The following DMD variants were observed in gnomAD, a reference collection of about 807,000 sequenced individuals.
The protein encoded by DMD is dystrophin, also known as mutant dystrophin.
DMD carries 63 observed loss-of-function variants against 330.1 expected under a neutral mutation model. That is an observed-to-expected ratio of 0.19 (90% CI 0.16 to 0.24). DMD has a LOEUF of 0.24. Ranked by LOEUF, DMD falls within the 10% of genes least tolerant of loss-of-function variation. The probability of loss-of-function intolerance (pLI) is 1.00; values close to 1 mark genes in which losing one functional copy is unlikely to be tolerated. For missense variants in DMD, 3,344 were observed against 2,684.1 expected (o/e 1.25, Z -5.43); for synonymous variants, 1,223 against 959.8 (o/e 1.27, Z -5.07).
At chrX:31,811,210 C>T (rs1327220630) in intron 50 of DMD, among the ~76,000 whole-genome samples, 9 of 112,345 alleles carry the variant, frequency 8.0e-5, no homozygotes, top group Non-Finnish European at 1.5e-4. Context: ...ATGCTGAATA[C>T]TAAATACTAA....
chrX:33,219,219 T>C (rs1183462832), intron 1 of DMD, among the ~76,000 whole-genome samples: 1 of 108,710 alleles, frequency 9.2e-6, no homozygotes, highest in African/African-American at 3.3e-5. Context: ...TGGTGGAAGA[T>C]AGAGGTAGAA....
chrX:31,309,988 A>AT (rs1403300118), intron 62 of DMD, among the ~76,000 whole-genome samples: 1 of 111,156 alleles, frequency 9.0e-6, no homozygotes, highest in Non-Finnish European at 1.9e-5. Context: ...CATTTTATAG[A>AT]TAGGGATTTG....
At chrX:32,547,543 T>C (rs971878452) in intron 16 of DMD, among the ~76,000 whole-genome samples, 1 of 111,228 alleles carries the variant, frequency 9.0e-6, no homozygotes, top group Non-Finnish European at 1.9e-5. Flanking sequence ...ATTCACCCTG[T>C]AAATATAGGG....
intron 1 of DMD, among the ~76,000 whole-genome samples, chrX:33,099,276 T>C (rs2095212339): frequency 9.0e-6 from 1 of 111,145 alleles, no homozygotes; most frequent in African/African-American, 3.3e-5. Context: ...TCACAGCTCT[T>C]GTTGGGCGGT....
In DMD at chrX:32,595,823, G is replaced by A. The variant is rs776446238; in HGVS notation, c.1536C>T (p.His512=). The A allele has an allele frequency of 4.2e-6, 5 of 1,200,378 alleles. No homozygotes were observed. The highest frequency in any genetic ancestry group is 4.5e-6 in the Non-Finnish European group (4 of 885,180). The stretch of plus-strand genomic sequence containing the variant: ...TAGATTCATCAACTACCACCACCAT[G>A]TGAGTGAGAGAATTGACCCTGACTT... ...QEQVRVNSLT[H]MVVVVDESSG... The change falls in exon 13 of 79, where the codon CAC becomes CAT. Residue 512 remains histidine, a synonymous_variant. Transcript: ENST00000357033.
At chrX:31,791,710 G>C (rs2091578764) in intron 50 of DMD, among the ~76,000 whole-genome samples, 1 of 111,633 alleles carries the variant, frequency 9.0e-6, no homozygotes, top group Admixed American at 9.5e-5. Flanking sequence ...TTGTTTCTTA[G>C]ACTTTTTTTT....
In DMD at chrX:32,536,264, C is replaced by CAAAAAAA. The variant is rs1191335690; in HGVS notation, c.2168+8888_2168+8894dup. Among the ~76,000 whole-genome samples the CAAAAAAA allele has an allele frequency of 3.1e-3, 111 of 36,317 alleles. 5 individuals are homozygous for CAAAAAAA. The highest frequency in any genetic ancestry group is 0.012 in the African/African-American group (102 of 8,361). The allele number at this position is 36,317 out of a possible 115,157, so 31.5% of individuals were successfully genotyped here. A position where few individuals can be genotyped will look rare whatever the true frequency, so the allele number is the denominator to read the frequency against. On this transcript the variant is annotated intron_variant, in intron 17 of 78. Coordinates refer to ENST00000357033, the MANE Select transcript of DMD (RefSeq NM_004006.3). ...TGGCAACAGAGTGAGACTCCGTCTCCAAAAAAAAAAAAAAAAAAAAAAAAC... is the reference window on the plus strand; with the variant it reads ...TGGCAACAGAGTGAGACTCCGTCTCCAAAAAAAAAAAAAAAAAAAAAAAAAAAAAAAC...
Position 31,999,756 on chromosome X carries a change from G to A in DMD, c.6439-31242C>T, listed in dbSNP as rs6631453. 1.1e-3 allele frequency among the ~76,000 whole-genome samples: 120 copies of A among 111,762 alleles called. No individual in the cohort carries two copies. In the East Asian group the frequency reaches 0.016, roughly 15 times the overall value. ...ATACTGTGGTAGTGAACGTGGCAGTGGTTGAAGTGGGTTCTTAGTGGATGA... is the reference window on the plus strand; with the variant it reads ...ATACTGTGGTAGTGAACGTGGCAGTAGTTGAAGTGGGTTCTTAGTGGATGA... On this transcript the variant is annotated intron_variant, in intron 44 of 78. Transcript: ENST00000357033.
chrX:32,653,674 G>C (rs2060338744), intron 9 of DMD, among the ~76,000 whole-genome samples: 1 of 111,935 alleles, frequency 8.9e-6, no homozygotes, highest in African/African-American at 3.3e-5. Flanking sequence ...CTTTAAAGTA[G>C]TTTTTTCCAA....
chrX:31,238,435 G>C (rs1243484894), intron 63 of DMD, among the ~76,000 whole-genome samples: 1 of 111,679 alleles, frequency 9.0e-6, no homozygotes, highest in African/African-American at 3.3e-5. Flanking sequence ...AGCTCTTTTT[G>C]TATGCAAGTA....
intron 1 of DMD, among the ~76,000 whole-genome samples, chrX:33,221,031 G>A (rs779952124): frequency 4.1e-4 from 46 of 111,809 alleles, no homozygotes; most frequent in African/African-American, 1.4e-3. Flanking sequence ...AACTTTGAAT[G>A]TTTGAGAGTA....
At chrX:32,319,695 C>A (rs1481551159) in intron 41 of DMD, among the ~76,000 whole-genome samples, 3 of 110,911 alleles carry the variant, frequency 2.7e-5, no homozygotes, top group Non-Finnish European at 5.7e-5. Context: ...AGTTACTAAT[C>A]TGACTCATTA....
intron 62 of DMD, among the ~76,000 whole-genome samples, chrX:31,307,283 A>C (rs1184973579): frequency 8.9e-6 from 1 of 112,080 alleles, no homozygotes; most frequent in Non-Finnish European, 1.9e-5. Flanking sequence ...TTCACAAGTG[A>C]AAACAAGATT....
chrX:33,153,902 C>G (rs900917093), intron 1 of DMD, among the ~76,000 whole-genome samples: 1 of 112,184 alleles, frequency 8.9e-6, no homozygotes, highest in East Asian at 2.8e-4. Flanking sequence ...TCATACGATA[C>G]AATATGTCTA....
intron 1 of DMD, among the ~76,000 whole-genome samples, chrX:33,126,980 T>C (rs2095469095): frequency 8.9e-6 from 1 of 111,828 alleles, no homozygotes; most frequent in East Asian, 2.8e-4. Flanking sequence ...CAGCAATCTG[T>C]AAGTGAGAAA....
intron 62 of DMD, among the ~76,000 whole-genome samples, chrX:31,296,747 C>T (rs758958969): frequency 1.1e-4 from 12 of 111,886 alleles, no homozygotes; most frequent in Middle Eastern, 4.6e-3. Flanking sequence ...GATGCCAAGT[C>T]ATAAATGCTC....
At chrX:32,863,537 T>TACACAC (rs199774174) in intron 2 of DMD, among the ~76,000 whole-genome samples, 9,091 of 78,089 alleles carry the variant, frequency 0.12, 530 homozygotes, top group Admixed American at 0.13. Flanking sequence ...ATTGTGTTTA[T>TACACAC]ACACACACAC....
At chrX:31,324,837 T>C (rs1459323660) in intron 61 of DMD, among the ~76,000 whole-genome samples, 1 of 112,019 alleles carries the variant, frequency 8.9e-6, no homozygotes, top group Non-Finnish European at 1.9e-5. Context: ...CTACACTGTA[T>C]AATATGAAAG....
intron 1 of DMD, among the ~76,000 whole-genome samples, chrX:33,124,927 G>A (rs929680149): frequency 1.9e-5 from 2 of 105,078 alleles, no homozygotes; most frequent in East Asian, 6.0e-4. Context: ...GGGAGGCTGA[G>A]GCAGGAGAAT....
Sources: gnomAD v4.1 joint callset for allele counts (sites outside exome capture counted in the v4.1 genomes callset) on GRCh38, gnomAD v4.1.1 for gene constraint, MANE v1.5 for transcripts, NCBI Gene and HGNC (gene_info 2026-07-23, HGNC 2026-07-21) for gene names.